PPP2R2C: variants seen among roughly 807,000 people sequenced by gnomAD.
The protein encoded by PPP2R2C is protein phosphatase 2, regulatory subunit B, gamma.
PPP2R2C carries 10 observed loss-of-function variants against 45.3 expected under a neutral mutation model. That is an observed-to-expected ratio of 0.22 (90% CI 0.14 to 0.37). The LOEUF (loss-of-function observed/expected upper bound fraction) is 0.37. Among genes scored for constraint, PPP2R2C ranks in the 10% least tolerant of loss-of-function variants. PPP2R2C has a pLI of 1.00. For missense variants in PPP2R2C, 308 were observed against 619.7 expected (o/e 0.50, Z 5.34); for synonymous variants, 257 against 245.4 (o/e 1.05, Z -0.44).
At chr4:6,562,570 T>C (rs1436029685) in intron 1 of PPP2R2C, among the ~76,000 whole-genome samples, 1 of 152,044 alleles carries the variant, frequency 6.6e-6, no homozygotes, top group Non-Finnish European at 1.5e-5. Flanking sequence ...CCTCTGTACC[T>C]TCCATCACCC....
chr4:6,361,037 AGG>A (rs1359564468), intron 5 of PPP2R2C, among the ~76,000 whole-genome samples: 2 of 152,152 alleles, frequency 1.3e-5, no homozygotes, highest in African/African-American at 4.8e-5. Context: ...TACCCCTTTA[AGG>A]CCCTGTCTCC....
intron 1 of PPP2R2C, among the ~76,000 whole-genome samples, chr4:6,385,596 G>C (rs1429620907): frequency 2.6e-5 from 4 of 151,928 alleles, no homozygotes; most frequent in Non-Finnish European, 5.9e-5. Context: ...TTGAGACAGA[G>C]TCTCACTTTG....
intron 4 of PPP2R2C, among the ~76,000 whole-genome samples, chr4:6,373,699 C>T (rs910174425): frequency 1.8e-4 from 27 of 152,216 alleles, no homozygotes; most frequent in Admixed American, 1.5e-3. Flanking sequence ...GTGACAGCCT[C>T]GGTGCTGCAG....
rs149995457 is a variant in PPP2R2C, at chr4:6,446,672, T to C, written c.70+25488A>G. ...TCCGAGTTCCCTGCCTCCAAGAACA[T>C]GTCCATCAGCCATCAGCTGACTGGA... On this transcript the variant is annotated intron_variant, in intron 1 of 8. Transcript: ENST00000382599. Among the ~76,000 whole-genome samples, 22 of 151,938 alleles carry C rather than the reference T, an allele frequency of 1.4e-4. 1 individual carries two copies. Among genetic ancestry groups the C allele is most frequent in the Admixed American group, 9.8e-4 (15 of 15,262 alleles).
intron 6 of PPP2R2C, among the ~76,000 whole-genome samples, chr4:6,342,200 G>A (rs1389442484): frequency 1.3e-5 from 2 of 149,976 alleles, no homozygotes; most frequent in South Asian, 2.1e-4. Flanking sequence ...TAAAATCCAC[G>A]TAGACATCAG....
At chr4:6,348,898 T>G (rs1488744515) in intron 5 of PPP2R2C, 6 of 780,252 alleles carry the variant, frequency 7.7e-6, no homozygotes, top group Non-Finnish European at 7.8e-6. Context: ...GTCAAGAACT[T>G]TGCTGCTTGC....
intron 6 of PPP2R2C, among the ~76,000 whole-genome samples, chr4:6,334,941 C>T (rs759658739): frequency 7.2e-5 from 11 of 152,198 alleles, no homozygotes; most frequent in Non-Finnish European, 1.6e-4. Flanking sequence ...CTTATCCCCT[C>T]ATGGGAAATG....
At position 6,324,037 on chromosome 4, in the gene PPP2R2C, T is replaced by C. The variant is rs1179038478; in HGVS notation, c.1053-444A>G. ...ACACCTGCCTCTATTCCCCTGTATC[T>C]TGGGGTCTCTTATACCCCCTCACAT... On this transcript the variant is annotated intron_variant, in intron 8 of 8. Transcript: ENST00000382599. The surrounding 1 kb of genome is among the most constrained non-coding windows in gnomAD (Gnocchi z 4.1). 6.6e-6 allele frequency among the ~76,000 whole-genome samples: 1 copy of C among 152,232 alleles called. No homozygotes were observed. The highest frequency in any genetic ancestry group is 1.5e-5 in the Non-Finnish European group (1 of 68,038).
chr4:6,434,024 C>T (rs1225023642), intron 1 of PPP2R2C, among the ~76,000 whole-genome samples: 1 of 152,234 alleles, frequency 6.6e-6, no homozygotes, highest in Non-Finnish European at 1.5e-5. Flanking sequence ...GTGGCAACCA[C>T]TATGAGCACT....
At chr4:6,382,558 C>A in intron 1 of PPP2R2C, 2 of 1,335,736 alleles carry the variant, frequency 1.5e-6, no homozygotes, top group South Asian at 2.3e-5. Flanking sequence ...CTGCAGCTTC[C>A]CCAGTCTCAG....
upstream of PPP2R2C, among the ~76,000 whole-genome samples, chr4:6,473,960 C>T (rs1356043965): frequency 6.6e-6 from 1 of 152,224 alleles, no homozygotes; most frequent in Non-Finnish European, 1.5e-5. Context: ...GGGGCCCTGC[C>T]AGCACCTGCT....
In PPP2R2C at chr4:6,563,195, G is replaced by T. The variant is rs1430073057; in HGVS notation, c.-59+365C>A. 6.6e-6 allele frequency among the ~76,000 whole-genome samples: 1 copy of T among 152,222 alleles called. No homozygotes were observed. The highest frequency in any genetic ancestry group is 1.5e-5 in the Non-Finnish European group (1 of 68,034). On this transcript the variant is annotated intron_variant, in intron 1 of 9. Transcript: ENST00000506140. This position sits in a 1 kb window ranked among gnomAD's most constrained non-coding sequence, Gnocchi z 5.8. ...CGCGCCGGTTCTCGGCCGAGACGCT[G>T]TGGCTGACACCGGTGGAGCGATCTG...
chr4:6,523,977 G>C (rs1472502643), intron 2 of PPP2R2C, among the ~76,000 whole-genome samples: 1 of 152,172 alleles, frequency 6.6e-6, no homozygotes, highest in African/African-American at 2.4e-5. Flanking sequence ...GCAATGGCGT[G>C]ATCTCGGTTC....
chr4:6,511,752 A>G (rs1427914867), intron 2 of PPP2R2C, among the ~76,000 whole-genome samples: 6 of 6,222 alleles, frequency 9.6e-4, no homozygotes, highest in Admixed American at 1.7e-3. Flanking sequence ...TGGTGATGGC[A>G]ATGGTGGTGG....
At chr4:6,334,089 A>G (rs908990785) in intron 6 of PPP2R2C, among the ~76,000 whole-genome samples, 3 of 152,142 alleles carry the variant, frequency 2.0e-5, no homozygotes, top group Non-Finnish European at 4.4e-5. Flanking sequence ...GCCAGATTGC[A>G]AAGGTGTCCT....
At chr4:6,473,366 G>C (rs149413394), upstream of PPP2R2C, among the ~76,000 whole-genome samples, 692 of 152,110 alleles carry the variant, frequency 4.5e-3, 9 homozygotes, top group African/African-American at 0.016. Context: ...GGCACATAGT[G>C]GGCCCTCAAA....
chr4:6,552,416 C>CATTCCTTG (rs1361178037), intron 1 of PPP2R2C, among the ~76,000 whole-genome samples: 1 of 152,186 alleles, frequency 6.6e-6, no homozygotes, highest in East Asian at 1.9e-4. Context: ...GAGGTGTCCG[C>CATTCCTTG]ATTCCTTGGC....
At chr4:6,463,120 T>C (rs1259003743) in intron 1 of PPP2R2C, among the ~76,000 whole-genome samples, 1 of 152,252 alleles carries the variant, frequency 6.6e-6, no homozygotes, top group Non-Finnish European at 1.5e-5. Context: ...AAGCTAATCA[T>C]GATCATGAAA....
intron 1 of PPP2R2C, among the ~76,000 whole-genome samples, chr4:6,448,954 G>A (rs1216901215): frequency 6.6e-6 from 1 of 152,232 alleles, no homozygotes; most frequent in African/African-American, 2.4e-5. Flanking sequence ...CAACCTCCAT[G>A]CCCCAGAGCA....
Sources: gnomAD v4.1 joint callset for allele counts (sites outside exome capture counted in the v4.1 genomes callset) on GRCh38, gnomAD v4.1.1 for gene constraint, Gnocchi (gnomAD v3.1) non-coding constraint, MANE v1.5 for transcripts, NCBI Gene and HGNC (gene_info 2026-07-23, HGNC 2026-07-21) for gene names.